The following CAMSAP2 variants were observed in gnomAD, a reference collection of about 807,000 sequenced individuals.
CAMSAP2 encodes calmodulin-regulated spectrin-associated protein 2.
In CAMSAP2, 26 loss-of-function variants were observed where a neutral mutation model predicts 146.1. The ratio of observed to expected loss-of-function variants is 0.18; its 90% CI spans 0.13 to 0.25. The LOEUF (loss-of-function observed/expected upper bound fraction) is 0.25. CAMSAP2 is among the 10% of genes least tolerant of loss of function. The probability of loss-of-function intolerance (pLI) is 1.00; values close to 1 mark genes in which losing one functional copy is unlikely to be tolerated. For synonymous variants in CAMSAP2, 499 were observed against 596.6 expected (o/e 0.84, Z 2.38); for missense variants, 1,381 against 1,759.3 (o/e 0.78, Z 3.85).
At chr1:200,755,965 G>C (rs1436676759) in intron 1 of CAMSAP2, among the ~76,000 whole-genome samples, 1 of 152,192 alleles carries the variant, frequency 6.6e-6, no homozygotes, top group East Asian at 1.9e-4. Context: ...ATTAGAGGCA[G>C]AAGGCCTCTA....
intron 2 of CAMSAP2, among the ~76,000 whole-genome samples, chr1:200,790,622 G>C (rs1468961562): frequency 6.6e-6 from 1 of 152,100 alleles, no homozygotes; most frequent in African/African-American, 2.4e-5. Flanking sequence ...CATCCTTTGG[G>C]CTGGTGGTTT....
At chr1:200,788,756 C>T (rs1053662983) in intron 2 of CAMSAP2, among the ~76,000 whole-genome samples, 8 of 151,590 alleles carry the variant, frequency 5.3e-5, no homozygotes, top group Non-Finnish European at 1.0e-4. Context: ...ATTCTCCTGC[C>T]TCAGCTACCC....
Position 200,739,751 on chromosome 1 carries a change from C to A in CAMSAP2, c.-77C>A. ...GATGGTTTGAGCTTGCTTCTCCCTCCCTCCCGACCCCCGTGGTGGCGAGGC... is the reference window on the plus strand; with the variant it reads ...GATGGTTTGAGCTTGCTTCTCCCTCACTCCCGACCCCCGTGGTGGCGAGGC... On this transcript the variant is annotated 5_prime_UTR_variant, in exon 1 of 17. Transcript: ENST00000358823. The surrounding 1 kb of genome is among the most constrained non-coding windows in gnomAD (Gnocchi z 4.8). 6.8e-7 allele frequency: 1 copy of A among 1,467,838 alleles called. No homozygotes were observed. 90.9% of individuals were successfully genotyped at this position (1,467,838 alleles called of 1,614,324 possible).
At chr1:200,843,454 A>T (rs1350361704) in intron 7 of CAMSAP2, among the ~76,000 whole-genome samples, 1 of 152,256 alleles carries the variant, frequency 6.6e-6, no homozygotes, top group Non-Finnish European at 1.5e-5. Context: ...TTACATGCCT[A>T]TAAAAAAATT....
chr1:200,844,368 T>C lies in CAMSAP2; in HGVS notation c.1022-414T>C, dbSNP rs544918227. On this transcript the variant is annotated intron_variant, in intron 7 of 16. Coordinates refer to ENST00000358823, the MANE Select transcript of CAMSAP2 (RefSeq NM_203459.4). The stretch of plus-strand genomic sequence containing the variant: ...TTCGAGACCAGCCTGGCCAATATGG[T>C]GAAACCCTGTCTCTACTAAAAATTC... 2.0e-3 allele frequency among the ~76,000 whole-genome samples: 296 copies of C among 151,684 alleles called. 2 individuals carry two copies. Among genetic ancestry groups the C allele is most frequent in the African/African-American group, 6.4e-3 (263 of 41,406 alleles).
At chr1:200,810,947 C>T (rs1369661404) in intron 3 of CAMSAP2, among the ~76,000 whole-genome samples, 1 of 152,102 alleles carries the variant, frequency 6.6e-6, no homozygotes, top group Non-Finnish European at 1.5e-5. Flanking sequence ...AACAAAACTT[C>T]CCCATCCAAA....
At chr1:200,825,741 C>T (rs539418513) in intron 4 of CAMSAP2, among the ~76,000 whole-genome samples, 4 of 152,162 alleles carry the variant, frequency 2.6e-5, no homozygotes, top group African/African-American at 4.8e-5. Context: ...CTCCTGACCT[C>T]GTGATCTACC....
intron 1 of CAMSAP2, among the ~76,000 whole-genome samples, chr1:200,748,156 A>G (rs1040505554): frequency 5.3e-5 from 8 of 152,182 alleles, no homozygotes; most frequent in African/African-American, 1.9e-4. Flanking sequence ...AATATATACA[A>G]TAACAATAAT....
At chr1:200,750,990 A>G (rs1412308702) in intron 1 of CAMSAP2, among the ~76,000 whole-genome samples, 7 of 136,132 alleles carry the variant, frequency 5.1e-5, no homozygotes, top group Non-Finnish European at 9.4e-5. Context: ...GCAATCTCCA[A>G]CTCCCGGGTT....
chr1:200,760,579 A>G (rs1361814928), intron 1 of CAMSAP2, among the ~76,000 whole-genome samples: 2 of 152,180 alleles, frequency 1.3e-5, no homozygotes, highest in Admixed American at 6.5e-5. Flanking sequence ...GAGCCACTAG[A>G]CTCAGAAAGC....
At chr1:200,763,281 G>C (rs548790249) in intron 2 of CAMSAP2, among the ~76,000 whole-genome samples, 65 of 152,302 alleles carry the variant, frequency 4.3e-4, no homozygotes, top group African/African-American at 1.5e-3. Context: ...GCTCACGCCT[G>C]TAATCCCAGC....
At chr1:200,794,472 A>C (rs1031385523) in intron 2 of CAMSAP2, among the ~76,000 whole-genome samples, 1 of 152,094 alleles carries the variant, frequency 6.6e-6, no homozygotes. Context: ...TGATCTGGGG[A>C]TAGATGTATT....
Position 200,852,806 on chromosome 1 carries a change from AG to A in CAMSAP2, c.3602+130del. The A allele has an allele frequency of 3.1e-6, 3 of 973,568 alleles. No individual in the cohort carries two copies. The South Asian group carries it at 6.4e-5, about 21-fold the overall frequency. 60.3% of individuals were successfully genotyped at this position (973,568 alleles called of 1,614,324 possible). On this transcript the variant is annotated intron_variant, in intron 12 of 16. Coordinates refer to ENST00000358823, the MANE Select transcript of CAMSAP2 (RefSeq NM_203459.4). The stretch of plus-strand genomic sequence containing the variant: ...TTTATTAACAGATTTCTTTCAGAGA[AG>A]TTTGTAGTATAGATAGACAGCTGGA...
At chr1:200,788,056 T>C (rs974840819) in intron 2 of CAMSAP2, among the ~76,000 whole-genome samples, 4 of 152,236 alleles carry the variant, frequency 2.6e-5, no homozygotes, top group African/African-American at 9.6e-5. Flanking sequence ...TTTATTATGC[T>C]ACTTGCTTTA....
At chr1:200,828,493 AT>A in intron 4 of CAMSAP2, 3 of 1,345,996 alleles carry the variant, frequency 2.2e-6, no homozygotes, top group Non-Finnish European at 3.1e-6. Context: ...CTTTACTATA[AT>A]TTGTTAATTG....
At chr1:200,804,120 G>T (rs898188745) in intron 2 of CAMSAP2, among the ~76,000 whole-genome samples, 1 of 151,936 alleles carries the variant, frequency 6.6e-6, no homozygotes, top group Non-Finnish European at 1.5e-5. Context: ...TAGAGACAGG[G>T]TTTCACCGTG....
intron 2 of CAMSAP2, among the ~76,000 whole-genome samples, chr1:200,773,487 C>T (rs1330608205): frequency 6.6e-6 from 1 of 152,126 alleles, no homozygotes; most frequent in Non-Finnish European, 1.5e-5. Context: ...GAACTCCTGA[C>T]CTCACATGAT....
intron 2 of CAMSAP2, among the ~76,000 whole-genome samples, chr1:200,781,557 T>A (rs958216186): frequency 7.2e-5 from 11 of 152,156 alleles, no homozygotes; most frequent in Non-Finnish European, 1.6e-4. Flanking sequence ...TTTTGTTTTT[T>A]TTGAGACAGG....
Position 200,853,903 on chromosome 1 carries a change from G to C in CAMSAP2, c.3823+408G>C, listed in dbSNP as rs1206519959. Among the ~76,000 whole-genome samples the C allele has an allele frequency of 6.6e-6, 1 of 152,146 alleles. No homozygotes were observed. The highest frequency in any genetic ancestry group is 1.5e-5 in the Non-Finnish European group (1 of 68,020). ...CAAGTCCCTCCTTCAAGATAGAAAT[G>C]GTTGAAAATCCAAACTTATAATATC... On this transcript the variant is annotated intron_variant, in intron 13 of 16. Transcript: ENST00000358823. The surrounding 1 kb of genome is among the most constrained non-coding windows in gnomAD (Gnocchi z 5.1).
Sources: allele counts gnomAD v4.1 joint callset (sites outside exome capture counted in the v4.1 genomes callset), GRCh38; gene constraint gnomAD v4.1.1; non-coding constraint Gnocchi (gnomAD v3.1); transcripts MANE v1.5; gene names NCBI Gene and HGNC (gene_info 2026-07-23, HGNC 2026-07-21).